ANKS1B: variants seen among roughly 807,000 people sequenced by gnomAD.
ANKS1B encodes the protein ankyrin repeat and sterile alpha motif domain containing 1B, also known as ankyrin repeat and sterile alpha motif domain-containing protein 1B.
A neutral mutation model predicts 148.3 loss-of-function variants in ANKS1B; 36 were observed. That is an observed-to-expected ratio of 0.24 (90% CI 0.19 to 0.32). The LOEUF (loss-of-function observed/expected upper bound fraction) is 0.32. Ranked by LOEUF, ANKS1B falls within the 10% of genes least tolerant of loss-of-function variation. The pLI, the probability that ANKS1B is intolerant of heterozygous loss-of-function variation, is 1.00. For synonymous variants in ANKS1B, 542 were observed against 560.8 expected, an observed-to-expected ratio of 0.97 and a Z score of 0.47; for missense variants, 1,157 against 1,542.6, an observed-to-expected ratio of 0.75 and a Z score of 4.19.
intron 17 of ANKS1B, among the ~76,000 whole-genome samples, chr12:98,845,276 G>T (rs1456426828): frequency 6.6e-6 from 1 of 152,160 alleles, no homozygotes; most frequent in Non-Finnish European, 1.5e-5. Flanking sequence ...ACAAAATCAG[G>T]ATTTGAATCC....
chr12:98,832,099 A>G lies in ANKS1B; in HGVS notation c.2816T>C (p.Ile939Thr). 1 of 1,594,442 alleles carries G rather than the reference A, an allele frequency of 6.3e-7. No homozygotes were observed. The highest frequency in any genetic ancestry group is 8.5e-7 in the Non-Finnish European group (1 of 1,169,726). ...CAGCCTGTCTCCCAGAGATGCCAAAATACGTTTCCTGTGGCCAATCAAATT... is the reference window on the plus strand; with the variant it reads ...CAGCCTGTCTCCCAGAGATGCCAAAGTACGTTTCCTGTGGCCAATCAAATT... The part of the protein sequence containing the change: ...KINLIGHRKR[I>T]LASLGDRLHD... The change falls in exon 18 of 27, where the codon ATT becomes ACT. Residue 939 changes from isoleucine (I) to threonine (T), a missense_variant. Physicochemically the swap from Ile to Thr is moderately conservative, Grantham distance 89. This residue lies in a region of ANKS1B where 258 missense variants were observed against 497.0 expected (regional missense o/e 0.52). Coordinates refer to ENST00000683438, the MANE Select transcript of ANKS1B (RefSeq NM_001352186.2).
intron 16 of ANKS1B, among the ~76,000 whole-genome samples, chr12:99,083,374 T>A (rs566642745): frequency 6.6e-6 from 1 of 152,108 alleles, no homozygotes; most frequent in Admixed American, 6.5e-5. Flanking sequence ...TGCAAACAGA[T>A]GACCCAACTT....
intron 20 of ANKS1B, among the ~76,000 whole-genome samples, chr12:98,804,940 G>C (rs2153605587): frequency 6.6e-6 from 1 of 152,118 alleles, no homozygotes; most frequent in African/African-American, 2.4e-5. Context: ...CCACAATAAT[G>C]GTTTATAATC....
chr12:99,490,696 A>G (rs2152965723), intron 10 of ANKS1B, among the ~76,000 whole-genome samples: 1 of 152,286 alleles, frequency 6.6e-6, no homozygotes, highest in African/African-American at 2.4e-5. Flanking sequence ...TCAAGGTAAA[A>G]TTGTTACTTT....
At chr12:99,652,718 A>G (rs2098428834) in intron 9 of ANKS1B, among the ~76,000 whole-genome samples, 1 of 152,212 alleles carries the variant, frequency 6.6e-6, no homozygotes, top group African/African-American at 2.4e-5. Context: ...AATAATGGAT[A>G]ATACCAACAC....
At chr12:99,648,910 G>C in intron 9 of ANKS1B, 2 of 1,350,028 alleles carry the variant, frequency 1.5e-6, no homozygotes, top group Non-Finnish European at 2.0e-6. Context: ...AAGGTCTGAA[G>C]GCCAAATGAG....
chr12:99,248,950 C>G (rs891508478), intron 12 of ANKS1B, among the ~76,000 whole-genome samples: 1 of 152,172 alleles, frequency 6.6e-6, no homozygotes. Context: ...AGCATCAGAG[C>G]TTTTTCTTTG....
In ANKS1B at chr12:99,942,139, G is replaced by A. The variant is rs891532931; in HGVS notation, c.134+41965C>T. Among the ~76,000 whole-genome samples the A allele has an allele frequency of 1.7e-4, 26 of 152,198 alleles. 1 individual carries two copies. The highest frequency in any genetic ancestry group is 6.0e-4 in the African/African-American group (25 of 41,540). On this transcript the variant is annotated intron_variant, in intron 1 of 26. Transcript: ENST00000683438. ...ATGATCCATATTTAACGAGATGAGA[G>A]AAGGCAAAGGGAAGAATTAAGAGAA...
intron 10 of ANKS1B, among the ~76,000 whole-genome samples, chr12:99,484,275 T>G (rs2096456682): frequency 1.3e-5 from 2 of 152,036 alleles, no homozygotes; most frequent in African/African-American, 4.8e-5. Flanking sequence ...GAGGAGCAGG[T>G]TATTTAATTT....
At chr12:99,708,793 G>T (rs568320471) in intron 8 of ANKS1B, among the ~76,000 whole-genome samples, 22 of 152,018 alleles carry the variant, frequency 1.4e-4, no homozygotes, top group East Asian at 5.8e-4. Context: ...ATCTGCAAAG[G>T]CTCTTTTGCT....
intron 10 of ANKS1B, among the ~76,000 whole-genome samples, chr12:99,500,913 T>C (rs2096649250): frequency 6.6e-6 from 1 of 152,170 alleles, no homozygotes; most frequent in Non-Finnish European, 1.5e-5. Flanking sequence ...CAGCTTCTCT[T>C]TCATATTTTC....
intron 1 of ANKS1B, among the ~76,000 whole-genome samples, chr12:99,855,455 A>G (rs1185710839): frequency 4.6e-5 from 7 of 152,168 alleles, no homozygotes; most frequent in African/African-American, 9.7e-5. Flanking sequence ...CAGCAAGTCA[A>G]TAACAGTGGG....
chr12:98,946,169 A>G (rs1009718837), intron 17 of ANKS1B, among the ~76,000 whole-genome samples: 1 of 152,170 alleles, frequency 6.6e-6, no homozygotes, highest in Non-Finnish European at 1.5e-5. Flanking sequence ...TTCTAGGTAA[A>G]GCGTCCTCAT....
intron 12 of ANKS1B, among the ~76,000 whole-genome samples, chr12:99,377,747 G>A (rs1048899094): frequency 5.3e-5 from 8 of 152,130 alleles, no homozygotes; most frequent in Admixed American, 1.3e-4. Flanking sequence ...GTTTAATCAC[G>A]TTAGTGTTTT....
chr12:98,782,634 G>C (rs114306818), intron 22 of ANKS1B, among the ~76,000 whole-genome samples: 1,534 of 152,244 alleles, frequency 0.01, 26 homozygotes, highest in African/African-American at 0.035. Flanking sequence ...CTGTGAAAAG[G>C]GGTGTTTCAC....
chr12:98,817,850 T>C (rs2099153723), intron 19 of ANKS1B, among the ~76,000 whole-genome samples: 1 of 152,182 alleles, frequency 6.6e-6, no homozygotes, highest in Admixed American at 6.5e-5. Context: ...TTCATGATCG[T>C]GACCTTCCCC....
chr12:98,756,537 C>T (rs1358420134), intron 25 of ANKS1B, among the ~76,000 whole-genome samples: 4 of 144,738 alleles, frequency 2.8e-5, no homozygotes, highest in Non-Finnish European at 6.0e-5. Context: ...TTAGTGAAAC[C>T]CCATCCCTAC....
chr12:99,936,673 T>G (rs1281076224), intron 1 of ANKS1B, among the ~76,000 whole-genome samples: 1 of 152,174 alleles, frequency 6.6e-6, no homozygotes, highest in Non-Finnish European at 1.5e-5. Context: ...TTGGCTGCCT[T>G]GTCTGTTACT....
At chr12:99,952,513 T>C (rs553233051) in intron 1 of ANKS1B, among the ~76,000 whole-genome samples, 1 of 152,360 alleles carries the variant, frequency 6.6e-6, no homozygotes, top group South Asian at 2.1e-4. Flanking sequence ...ATTACTCTAA[T>C]GAAATTAGTA....
Sources: gnomAD v4.1 joint callset for allele counts (sites outside exome capture counted in the v4.1 genomes callset) on GRCh38, gnomAD v4.1.1 for gene constraint, gnomAD v4.1.1 regional missense constraint, MANE v1.5 for transcripts, NCBI Gene and HGNC (gene_info 2026-07-23, HGNC 2026-07-21) for gene names.